Variants in NSUN3 observed in about 807,000 individuals in gnomAD.
NSUN3 encodes tRNA (cytosine(34)-C(5))-methyltransferase, mitochondrial.
In NSUN3, 24 loss-of-function variants were observed where a neutral mutation model predicts 36.8. That is an observed-to-expected ratio of 0.65 (90% confidence interval 0.47 to 0.92). NSUN3 has a LOEUF of 0.92. Ranked by LOEUF, NSUN3 falls within the 40% of genes least tolerant of loss-of-function variation. The pLI is 0.00. For synonymous variants in NSUN3, 146 were observed against 145.2 expected, an observed-to-expected ratio of 1.01 and a Z score of -0.04; for missense variants, 381 against 392.8, an observed-to-expected ratio of 0.97 and a Z score of 0.25.
chr3:94,070,059 A>G (rs1237459828), intron 2 of NSUN3, among the ~76,000 whole-genome samples: 1 of 151,698 alleles, frequency 6.6e-6, no homozygotes, highest in Admixed American at 6.6e-5. Context: ...TTTGTTTCTT[A>G]GGAATTTAAG....
At position 94,076,279 on chromosome 3, in the gene NSUN3, C is replaced by G. The variant is rs1023479032; in HGVS notation, c.123-7828C>G. The G allele has an allele frequency of 1.8e-5, 16 of 892,776 alleles. No homozygotes were observed. In the African/African-American group the frequency reaches 2.4e-4, roughly 14 times the overall value. 55.3% of individuals were successfully genotyped at this position (892,776 alleles called of 1,614,324 possible). On this transcript the variant is annotated intron_variant, in intron 2 of 5. Transcript: ENST00000314622. The stretch of plus-strand genomic sequence containing the variant: ...AACATAAGTTTCAGATTTCTCAGAT[C>G]CCACAAGGCAACAGTCTTGTCAGCT...
chr3:94,071,395 AAG>A (rs1420993677), intron 2 of NSUN3, among the ~76,000 whole-genome samples: 1 of 152,218 alleles, frequency 6.6e-6, no homozygotes, highest in Non-Finnish European at 1.5e-5. Context: ...ATGTAAATAA[AAG>A]AGGAAAACGA....
intron 5 of NSUN3, among the ~76,000 whole-genome samples, chr3:94,102,223 A>AC (rs2077368995): frequency 6.6e-6 from 1 of 151,390 alleles, no homozygotes; most frequent in Non-Finnish European, 1.5e-5. Context: ...AAAAAAAAAA[A>AC]AACACTAACA....
At chr3:94,094,099 C>T in intron 3 of NSUN3, 41 bp from the exon 4 acceptor site, 1 of 1,444,842 alleles carries the variant, frequency 6.9e-7, no homozygotes, top group Non-Finnish European at 9.4e-7. Flanking sequence ...TTTAACAGTT[C>T]CATTGCCTTC....
intron 5 of NSUN3, among the ~76,000 whole-genome samples, chr3:94,098,730 C>G (rs1560036638): frequency 6.6e-6 from 1 of 152,098 alleles, no homozygotes; most frequent in Non-Finnish European, 1.5e-5. Flanking sequence ...TGTTCCTTTT[C>G]CTTGAGAGTT....
intron 2 of NSUN3, among the ~76,000 whole-genome samples, chr3:94,067,333 T>A (rs1244581581): frequency 6.6e-6 from 1 of 152,226 alleles, no homozygotes; most frequent in Non-Finnish European, 1.5e-5. Flanking sequence ...TTCCTGTGAT[T>A]GTTTTTAATC....
intron 5 of NSUN3, among the ~76,000 whole-genome samples, chr3:94,115,141 GTTTTTC>G (rs1396794672): frequency 2.0e-5 from 3 of 152,026 alleles, no homozygotes; most frequent in African/African-American, 4.8e-5. Context: ...TTATATAACT[GTTTTTC>G]TTTTCTACAT....
chr3:94,086,272 C>T (rs548363108), intron 3 of NSUN3, among the ~76,000 whole-genome samples: 1 of 152,156 alleles, frequency 6.6e-6, no homozygotes, highest in African/African-American at 2.4e-5. Context: ...ATGTGTTGAA[C>T]TGCCCTTGTT....
At chr3:94,122,583 A>G (rs2077468319) in intron 5 of NSUN3, among the ~76,000 whole-genome samples, 1 of 152,140 alleles carries the variant, frequency 6.6e-6, no homozygotes, top group Admixed American at 6.6e-5. Flanking sequence ...TTAGTACCAT[A>G]CACTTAGACC....
chr3:94,075,904 G>A lies in NSUN3; in HGVS notation c.123-8203G>A, dbSNP rs563847559. ...GTCTAAAATCACAAGAAGTAAAGAC[G>A]TATCTAGGACCCTTGTCCTTCTGGA... is the stretch of plus-strand genomic sequence containing the variant. On this transcript the variant is annotated intron_variant, in intron 2 of 5. Transcript: ENST00000314622. 1.6e-4 allele frequency: 221 copies of A among 1,353,576 alleles called. 1 individual carries two copies. The African/African-American group carries it at 2.8e-3, about 17-fold the overall frequency. The allele number at this position is 1,353,576 out of a possible 1,614,324, so 83.8% of individuals were successfully genotyped here.
chr3:94,090,201 G>GA lies in NSUN3; in HGVS notation c.467-3929dup, dbSNP rs558353295. The stretch of plus-strand genomic sequence containing the variant: ...AATATGCCCCTTTTCCTGTTAAGAT[G>GA]AAAAAAAAAATTAAGATTTGGTTGT... On this transcript the variant is annotated intron_variant, in intron 3 of 5. Coordinates refer to ENST00000314622, the MANE Select transcript of NSUN3 (RefSeq NM_022072.5). 1.1e-3 allele frequency among the ~76,000 whole-genome samples: 164 copies of GA among 148,592 alleles called. 1 individual carries two copies. The highest frequency in any genetic ancestry group is 3.3e-3 in the African/African-American group (132 of 40,614).
rs779695970 is a variant in NSUN3, at chr3:94,126,285, A to T, written c.818A>T (p.Gln273Leu). 12 of 1,614,042 alleles carry T rather than the reference A, an allele frequency of 7.4e-6. No homozygotes were observed. In the East Asian group the frequency reaches 2.5e-4, roughly 33 times the overall value. The change falls in exon 6 of 6, where the codon CAA becomes CTA. Residue 273 changes from glutamine (Q) to leucine (L), a missense_variant. Transcript: ENST00000314622. ...TGCACGCTTTCCAAGGCAGAAAATC[A>T]AGATGTGATCAGTGAAATTTTAAAC... ...STCTLSKAEN[Q>L]DVISEILNSH...
At chr3:94,108,890 C>T (rs1399685007) in intron 5 of NSUN3, among the ~76,000 whole-genome samples, 3 of 152,194 alleles carry the variant, frequency 2.0e-5, no homozygotes, top group African/African-American at 7.2e-5. Flanking sequence ...GTCTCGAACT[C>T]CTGACCTCAG....
At chr3:94,125,167 A>C (rs1191211642) in intron 5 of NSUN3, among the ~76,000 whole-genome samples, 1 of 152,144 alleles carries the variant, frequency 6.6e-6, no homozygotes, top group Non-Finnish European at 1.5e-5. Flanking sequence ...TTAATAGATC[A>C]TATTTCTCTT....
At chr3:94,071,524 G>A (rs1002284209) in intron 2 of NSUN3, among the ~76,000 whole-genome samples, 6 of 152,190 alleles carry the variant, frequency 3.9e-5, no homozygotes, top group East Asian at 1.9e-4. Flanking sequence ...ACTAAAGGCA[G>A]TATAATTTGT....
chr3:94,099,362 G>A (rs1325170814), intron 5 of NSUN3, among the ~76,000 whole-genome samples: 1 of 152,014 alleles, frequency 6.6e-6, no homozygotes, highest in Non-Finnish European at 1.5e-5. Flanking sequence ...AGGCTCTTCT[G>A]TAGTGGCCAC....
At chr3:94,092,937 A>G (rs2077321935) in intron 3 of NSUN3, among the ~76,000 whole-genome samples, 1 of 149,622 alleles carries the variant, frequency 6.7e-6, no homozygotes, top group Non-Finnish European at 1.5e-5. Flanking sequence ...AAAAAAAAAA[A>G]AAAAAAAAGA....
intron 5 of NSUN3, among the ~76,000 whole-genome samples, chr3:94,125,151 C>G (rs1165168379): frequency 9.9e-5 from 15 of 152,162 alleles, no homozygotes; most frequent in Admixed American, 9.8e-4. Context: ...GCTGATCTGT[C>G]TGCATTTAAT....
At position 94,128,492 on chromosome 3, in the gene NSUN3, TA is replaced by T. The variant is rs2077496834; in HGVS notation, c.*2004del. On this transcript the variant is annotated 3_prime_UTR_variant, in exon 6 of 6. Coordinates refer to ENST00000314622, the MANE Select transcript of NSUN3 (RefSeq NM_022072.5). ...TTTCCCAGTATAATGCGATGAAGCT[TA>T]ATCTGAATACTTGGTATGCTATTGA... 6.6e-6 allele frequency: 1 copy of T among 151,504 alleles called. No homozygotes were observed. Among genetic ancestry groups the T allele is most frequent in the South Asian group, 2.1e-4 (1 of 4,810 alleles). The allele number at this position is 151,504 out of a possible 1,614,324, so 9.4% of individuals were successfully genotyped here.
Sources: gnomAD v4.1 joint callset for allele counts (sites outside exome capture counted in the v4.1 genomes callset) on GRCh38, gnomAD v4.1.1 for gene constraint, MANE v1.5 for transcripts, NCBI Gene and HGNC (gene_info 2026-07-23, HGNC 2026-07-21) for gene names.